The following AAK1 variants were observed in gnomAD, a reference collection of about 807,000 sequenced individuals.
AAK1 encodes AP2-associated protein kinase 1.
Under a neutral mutation model 116.0 loss-of-function variants are expected in AAK1, and 37 were observed. That is an observed-to-expected ratio of 0.32 (90% CI 0.25 to 0.42). The LOEUF is 0.42. Ranked by LOEUF, AAK1 falls within the 10% of genes least tolerant of loss-of-function variation. AAK1 has a pLI of 1.00. For synonymous variants in AAK1, 458 were observed against 439.9 expected (o/e 1.04, Z -0.51); for missense variants, 919 against 1,170.6 (o/e 0.79, Z 3.14).
chr2:69,545,314 C>G (rs909931578), intron 3 of AAK1, among the ~76,000 whole-genome samples: 31 of 152,124 alleles, frequency 2.0e-4, no homozygotes, highest in African/African-American at 7.5e-4. Flanking sequence ...AGAGGCAGCT[C>G]TTTGTAATGA....
intron 5 of AAK1, among the ~76,000 whole-genome samples, chr2:69,537,274 T>G (rs1305735826): frequency 6.6e-6 from 1 of 152,216 alleles, no homozygotes; most frequent in East Asian, 1.9e-4. Flanking sequence ...AGAGGAGAGA[T>G]CTTCAATATA....
chr2:69,497,295 C>CTTTTTTTT (rs1176401016), intron 16 of AAK1, among the ~76,000 whole-genome samples: 63 of 76,078 alleles, frequency 8.3e-4, no homozygotes, highest in African/African-American at 1.2e-3. Context: ...CATTATCATT[C>CTTTTTTTT]TTTTTTTTTT....
At chr2:69,594,763 T>G in intron 2 of AAK1, 1 of 928,612 alleles carries the variant, frequency 1.1e-6, no homozygotes, top group Non-Finnish European at 1.7e-6. Context: ...CACTTAGCCC[T>G]TTCTCTTCTT....
rs1320449352 is a variant in AAK1 at position 69,473,044 on chromosome 2, T to A, written c.*2825A>T. The A allele has an allele frequency of 1.8e-5, 17 of 967,784 alleles. No homozygotes were observed. Among genetic ancestry groups the A allele is most frequent in the Non-Finnish European group, 2.0e-5 (16 of 813,548 alleles). The allele number at this position is 967,784 out of a possible 1,614,324, so 59.9% of individuals were successfully genotyped here. A position where few individuals can be genotyped will look rare whatever the true frequency, so the allele number is the denominator to read the frequency against. On this transcript the variant is annotated 3_prime_UTR_variant, in exon 22 of 22. Transcript: ENST00000409085. The stretch of plus-strand genomic sequence containing the variant: ...TCCTTCATAGCCCTTCTCAATATAA[T>A]AATATATACTTAGGACCCTATACTT...
At chr2:69,479,553 G>A (rs1675003023) in intron 19 of AAK1, among the ~76,000 whole-genome samples, 1 of 152,120 alleles carries the variant, frequency 6.6e-6, no homozygotes, top group African/African-American at 2.4e-5. Context: ...ACTCATAGAA[G>A]GAAGTTACTA....
chr2:69,520,285 G>C (rs1669702920), intron 11 of AAK1: 1 of 155,374 alleles, frequency 6.4e-6, no homozygotes. Flanking sequence ...AAGGGCTTTA[G>C]TGGTTTTGGA....
intron 2 of AAK1, among the ~76,000 whole-genome samples, chr2:69,574,439 G>C (rs1309372400): frequency 6.6e-6 from 1 of 151,046 alleles, no homozygotes; most frequent in Non-Finnish European, 1.5e-5. Context: ...GGGCATGGTG[G>C]TGTATGCCTG....
At chr2:69,479,164 C>T (rs1038020166) in intron 19 of AAK1, 103 bp from the exon 20 acceptor site, 23 of 815,884 alleles carry the variant, frequency 2.8e-5, no homozygotes, top group African/African-American at 1.4e-4. Flanking sequence ...TGCATTTACA[C>T]GTTACACATA....
intron 7 of AAK1, 72 bp downstream of exon 7, chr2:69,530,553 G>C: frequency 1.6e-6 from 2 of 1,271,778 alleles, no homozygotes; most frequent in Non-Finnish European, 2.3e-6. Flanking sequence ...ATAGCGCTGT[G>C]TGCATTAACC....
Position 69,465,855 on chromosome 2 carries a change from T to C in AAK1, c.*10014A>G, listed in dbSNP as rs1464542080. The C allele has an allele frequency of 7.7e-7, 1 of 1,290,732 alleles. No individual in the cohort carries two copies. The highest frequency in any genetic ancestry group is 1.0e-6 in the Non-Finnish European group (1 of 988,878). 80.0% of individuals were successfully genotyped at this position (1,290,732 alleles called of 1,614,324 possible). On this transcript the variant is annotated 3_prime_UTR_variant, in exon 22 of 22. Coordinates refer to ENST00000409085, the MANE Select transcript of AAK1 (RefSeq NM_014911.5). ...GGAATACTGAGCTTGGACAGAGGTG[T>C]ACACAGCTCTCTCACGGCCCGCGGG...
chr2:69,506,814 T>A (rs772134571), intron 15 of AAK1, among the ~76,000 whole-genome samples: 11 of 152,232 alleles, frequency 7.2e-5, no homozygotes, highest in Non-Finnish European at 1.6e-4. Flanking sequence ...CTAACATTAT[T>A]AGAATTATTA....
Position 69,554,864 on chromosome 2 carries a change from C to T in AAK1, c.282+1996G>A, listed in dbSNP as rs12617482. ...AAACAAAACTCTCACAGCTAATACG[C>T]CTCTGGGCCAAAACTTGAACCTGTG... On this transcript the variant is annotated intron_variant, in intron 3 of 21. Transcript: ENST00000409085. Among the ~76,000 whole-genome samples, 456 of 152,308 alleles carry T rather than the reference C, an allele frequency of 3.0e-3. 18 individuals are homozygous for T. In the East Asian group the frequency reaches 0.073, roughly 24 times the overall value.
At chr2:69,544,592 G>T in intron 3 of AAK1, 48 bp from the exon 4 acceptor site, 1 of 1,373,090 alleles carries the variant, frequency 7.3e-7, no homozygotes, top group Non-Finnish European at 1.0e-6. Context: ...GATGCCAATA[G>T]GACAGAATTA....
intron 2 of AAK1, among the ~76,000 whole-genome samples, chr2:69,591,102 G>C (rs1673007773): frequency 6.6e-6 from 1 of 152,192 alleles, no homozygotes; most frequent in Non-Finnish European, 1.5e-5. Context: ...TTAAACTGTA[G>C]TTAGAATATC....
chr2:69,619,236 GTATCCTCAGCCCCATACTTACCAC>G (rs993369035), intron 2 of AAK1, among the ~76,000 whole-genome samples: 2 of 152,106 alleles, frequency 1.3e-5, no homozygotes. Flanking sequence ...ACTCTCAGGA[GTATCCTCAGCCCCATACTTACCAC>G]TATCCTCGGC....
chr2:69,615,807 C>CTA (rs1284156346), intron 2 of AAK1, among the ~76,000 whole-genome samples: 6 of 152,234 alleles, frequency 3.9e-5, no homozygotes, highest in African/African-American at 1.4e-4. Flanking sequence ...AGAAAAACAC[C>CTA]TATAACTGTT....
intron 2 of AAK1, among the ~76,000 whole-genome samples, chr2:69,563,302 A>G (rs948899989): frequency 6.6e-6 from 1 of 152,160 alleles, no homozygotes; most frequent in Admixed American, 6.5e-5. Flanking sequence ...TAAGGTGAGC[A>G]GGAAGAGGAG....
At chr2:69,570,309 G>T (rs542277312) in intron 2 of AAK1, among the ~76,000 whole-genome samples, 1 of 151,550 alleles carries the variant, frequency 6.6e-6, no homozygotes, top group South Asian at 2.1e-4. Flanking sequence ...TTGACAAAAT[G>T]AGTTTACAAT....
At chr2:69,580,907 C>G (rs1414469375) in intron 2 of AAK1, among the ~76,000 whole-genome samples, 1 of 151,716 alleles carries the variant, frequency 6.6e-6, no homozygotes, top group African/African-American at 2.4e-5. Context: ...CACCACCAGC[C>G]CAAGGACAGT....
Sources: gnomAD v4.1 joint callset for allele counts (sites outside exome capture counted in the v4.1 genomes callset) on GRCh38, gnomAD v4.1.1 for gene constraint, MANE v1.5 for transcripts, NCBI Gene and HGNC (gene_info 2026-07-23, HGNC 2026-07-21) for gene names.